The following ABCA12 variants were observed in gnomAD, a reference collection of about 807,000 sequenced individuals.
ABCA12 encodes ATP binding cassette subfamily A member 12.
A neutral mutation model predicts 293.5 loss-of-function variants in ABCA12; 156 were observed. The ratio of observed to expected loss-of-function variants is 0.53; its 90% CI spans 0.47 to 0.61. The LOEUF (loss-of-function observed/expected upper bound fraction) is 0.61, where lower values mean the gene tolerates loss of function less well. ABCA12 is among the 20% of genes least tolerant of loss of function. ABCA12 has a pLI of 0.00. For missense variants in ABCA12, 2,797 were observed against 3,090.2 expected, an observed-to-expected ratio of 0.91 and a Z score of 2.25; for synonymous variants, 1,063 against 1,108.0, an observed-to-expected ratio of 0.96 and a Z score of 0.81.
chr2:214,935,530 C>T (rs1698191863), intron 51 of ABCA12, among the ~76,000 whole-genome samples: 1 of 152,152 alleles, frequency 6.6e-6, no homozygotes. Flanking sequence ...AGTGTGGTGG[C>T]TCACAGCTGT....
chr2:215,011,640 T>A lies in ABCA12; in HGVS notation c.2131A>T (p.Arg711Ter). 1 of 1,614,104 alleles carries A rather than the reference T, an allele frequency of 6.2e-7. No homozygotes were observed. The highest frequency in any genetic ancestry group is 8.5e-7 in the Non-Finnish European group (1 of 1,179,952). Residue 711 changes from arginine (R) to a stop codon, truncating the protein, a stop_gained, in exon 17 of 53, where the codon AGA (arginine) becomes TGA (stop). Transcript: ENST00000272895. LOFTEE classifies it high-confidence loss of function. ...RSVPLTQAMY[R>*]SNRMNTPQGS... ...TGTGGTGTGTTCATTCGGTTGCTTCTGTACATTGCCTGTGAGACAAAAATC... is the reference window on the plus strand; with the variant it reads ...TGTGGTGTGTTCATTCGGTTGCTTCAGTACATTGCCTGTGAGACAAAAATC...
At chr2:215,128,067 T>C (rs957888653) in intron 1 of ABCA12, among the ~76,000 whole-genome samples, 1 of 152,322 alleles carries the variant, frequency 6.6e-6, no homozygotes, top group Non-Finnish European at 1.5e-5. Context: ...TTTGTTTTGC[T>C]GGATACAAAA....
chr2:215,017,916 T>C (rs1180744105), intron 14 of ABCA12, 92 bp downstream of exon 14: 3 of 1,563,678 alleles, frequency 1.9e-6, no homozygotes, highest in Non-Finnish European at 2.6e-6. Flanking sequence ...GCATGCAACT[T>C]CTCAGTGTTT....
At position 214,989,573 on chromosome 2, in the gene ABCA12, G is replaced by A. The variant is rs1173722715; in HGVS notation, c.3673C>T (p.Arg1225Ter). Residue 1225 changes from arginine (R) to a stop codon, truncating the protein, a stop_gained, in exon 25 of 53, where the codon CGA becomes TGA. Coordinates refer to ENST00000272895, the MANE Select transcript of ABCA12 (RefSeq NM_173076.3). LOFTEE classifies it high-confidence loss of function. ...CTACCAATGCCCTGTTCTTCGTATCGTGCAATGTATTGGCTTGCATAGCTG... is the reference window on the plus strand; with the variant it reads ...CTACCAATGCCCTGTTCTTCGTATCATGCAATGTATTGGCTTGCATAGCTG... ...AFSYASQYIA[R>*]YEEQGIGLQW... is the part of the protein sequence containing the mutation. 2 of 1,614,064 alleles carry A rather than the reference G, an allele frequency of 1.2e-6. No homozygotes were observed. Among genetic ancestry groups the A allele is most frequent in the Non-Finnish European group, 1.7e-6 (2 of 1,179,974 alleles).
chr2:215,007,996 G>T, intron 18 of ABCA12, 150 bp from the exon 19 acceptor site: 2 of 1,011,328 alleles, frequency 2.0e-6, no homozygotes, highest in Non-Finnish European at 2.9e-6. Flanking sequence ...TTTCCCACAT[G>T]GTCAAAAGTT....
intron 39 of ABCA12, among the ~76,000 whole-genome samples, chr2:214,961,538 T>C (rs928050846): frequency 2.6e-5 from 4 of 152,108 alleles, no homozygotes; most frequent in Non-Finnish European, 5.9e-5. Context: ...AGCATTGGTC[T>C]CTTGTTCTCT....
At chr2:215,107,075 T>C (rs1399241249) in intron 2 of ABCA12, among the ~76,000 whole-genome samples, 2 of 152,068 alleles carry the variant, frequency 1.3e-5, no homozygotes, top group Non-Finnish European at 2.9e-5. Flanking sequence ...TAGAAAAACA[T>C]TGTTTTTCAT....
At chr2:215,047,156 G>A (rs1701220194) in intron 6 of ABCA12, among the ~76,000 whole-genome samples, 1 of 152,090 alleles carries the variant, frequency 6.6e-6, no homozygotes, top group Non-Finnish European at 1.5e-5. Context: ...GTTGATAGGT[G>A]CAGCAAACCA....
chr2:215,101,754 A>C (rs1702361630), intron 2 of ABCA12, among the ~76,000 whole-genome samples: 1 of 152,210 alleles, frequency 6.6e-6, no homozygotes, highest in African/African-American at 2.4e-5. Context: ...AAAATCTGAA[A>C]AGAAAATGGA....
intron 18 of ABCA12, among the ~76,000 whole-genome samples, chr2:215,009,283 A>G (rs892854416): frequency 1.5e-4 from 23 of 152,104 alleles, no homozygotes; most frequent in Non-Finnish European, 2.8e-4. Context: ...ATGAGAACAC[A>G]TGGACATAGA....
chr2:215,114,748 G>A (rs937305082), intron 1 of ABCA12, among the ~76,000 whole-genome samples: 3 of 152,088 alleles, frequency 2.0e-5, no homozygotes, highest in African/African-American at 2.4e-5. Flanking sequence ...TTTATTTTAT[G>A]TTTCTCATTT....
rs1700373906 is a variant in ABCA12, at chr2:215,011,575, T to C, written c.2196A>G (p.Gln732=). ...CAGTTAAATATTCAGTGGTAATTCC[T>C]TGAGAACATAATGCTTGGGAGATGG... is the stretch of plus-strand genomic sequence containing the variant. ...FSTISQALCS[Q]GITTEYLTAM... is the part of the protein sequence containing the mutation. Residue 732 remains glutamine, a synonymous_variant, in exon 17 of 53, where the codon CAA becomes CAG. Coordinates refer to ENST00000272895, the MANE Select transcript of ABCA12 (RefSeq NM_173076.3). The C allele has an allele frequency of 1.2e-6, 2 of 1,614,092 alleles. No individual in the cohort carries two copies. Among genetic ancestry groups the C allele is most frequent in the Non-Finnish European group, 1.7e-6 (2 of 1,179,952 alleles).
intron 1 of ABCA12, among the ~76,000 whole-genome samples, 156 bp from the exon 2 acceptor site, chr2:215,111,846 T>C (rs140380318): frequency 6.6e-6 from 1 of 152,306 alleles, no homozygotes; most frequent in East Asian, 1.9e-4. Flanking sequence ...ATGAGAGATT[T>C]TTTTAATATG....
chr2:215,052,422 C>A, intron 5 of ABCA12, 65 bp downstream of exon 5: 1 of 1,324,662 alleles, frequency 7.5e-7, no homozygotes, highest in East Asian at 2.4e-5. Flanking sequence ...TTTGAGAGAT[C>A]CTTCTATTAA....
At chr2:215,069,972 G>A (rs1701705572) in intron 2 of ABCA12, among the ~76,000 whole-genome samples, 1 of 152,178 alleles carries the variant, frequency 6.6e-6, no homozygotes, top group Admixed American at 6.5e-5. Context: ...GGTAGCTGTA[G>A]GAACCCCTGG....
intron 3 of ABCA12, among the ~76,000 whole-genome samples, chr2:215,057,297 A>G (rs1331265668): frequency 6.6e-6 from 1 of 151,980 alleles, no homozygotes; most frequent in Non-Finnish European, 1.5e-5. Flanking sequence ...GTGTACCAAG[A>G]GTCTCTCTGG....
rs1490323157 is a variant in ABCA12, at chr2:214,989,325, A to T, written c.3829+4T>A. On this transcript the variant is annotated splice_donor_region_variant and intron_variant, in intron 26 of 52. Coordinates refer to ENST00000272895, the MANE Select transcript of ABCA12 (RefSeq NM_173076.3). ...GCATGTATCTGTAGGAAGCACATTC[A>T]TACCTGGGAAGACATTCCTGACATA... 1 of 1,612,826 alleles carries T rather than the reference A, an allele frequency of 6.2e-7. No homozygotes were observed. The highest frequency in any genetic ancestry group is 1.3e-5 in the African/African-American group (1 of 74,648).
intron 51 of ABCA12, among the ~76,000 whole-genome samples, chr2:214,935,940 A>G (rs191975824): frequency 3.9e-5 from 6 of 152,310 alleles, no homozygotes; most frequent in Admixed American, 6.5e-5. Flanking sequence ...TTTCTCTAAA[A>G]TCACTTCAAA....
chr2:214,978,378 G>A lies in ABCA12; in HGVS notation c.5066C>T (p.Ala1689Val), dbSNP rs1699569371. 8 of 1,613,972 alleles carry A rather than the reference G, an allele frequency of 5.0e-6. No homozygotes were observed. The highest frequency in any genetic ancestry group is 5.9e-6 in the Non-Finnish European group (7 of 1,179,938). Reference sequence around the variant, plus strand: ...ATCGTCAGGAGTTGAGATGCCATTGGCATTGGAATTCCCAATTTTCTTTTG... The same window carrying A: ...ATCGTCAGGAGTTGAGATGCCATTGACATTGGAATTCCCAATTTTCTTTTG... ...LTQKKIGNSN[A>V]NGISTPDDLS... is the part of the protein sequence containing the mutation. Residue 1689 changes from alanine (A) to valine (V), a missense_variant, in exon 33 of 53, where the codon GCC becomes GTC. Physicochemically the swap from Ala to Val is moderately conservative, Grantham distance 64. Around this residue, in one of 3 missense-constraint regions of ABCA12, gnomAD observed 2,130 missense variants for 2,427.0 expected, o/e 0.88. Coordinates refer to ENST00000272895, the MANE Select transcript of ABCA12 (RefSeq NM_173076.3).
Sources: gnomAD v4.1 joint callset for allele counts (sites outside exome capture counted in the v4.1 genomes callset) on GRCh38, gnomAD v4.1.1 for gene constraint, gnomAD v4.1.1 regional missense constraint, MANE v1.5 for transcripts, NCBI Gene and HGNC (gene_info 2026-07-23, HGNC 2026-07-21) for gene names.